The following TTC27 variants were observed in gnomAD, a reference collection of about 807,000 sequenced individuals.
TTC27 encodes the protein tetratricopeptide repeat protein 27.
In TTC27, 79 loss-of-function variants were observed where a neutral mutation model predicts 115.9. That is an observed-to-expected ratio of 0.68 (90% CI 0.57 to 0.82). The LOEUF (loss-of-function observed/expected upper bound fraction) is 0.82, where lower values mean the gene tolerates loss of function less well. Among genes scored for constraint, TTC27 ranks in the 40% least tolerant of loss-of-function variants. The pLI, the probability that TTC27 is intolerant of heterozygous loss-of-function variation, is 0.00. For missense variants in TTC27, 1,054 were observed against 993.1 expected, an observed-to-expected ratio of 1.06 and a Z score of -0.82; for synonymous variants, 401 against 356.0, an observed-to-expected ratio of 1.13 and a Z score of -1.42.
At chr2:32,718,910 C>A (rs1667835807) in intron 10 of TTC27, among the ~76,000 whole-genome samples, 1 of 152,220 alleles carries the variant, frequency 6.6e-6, no homozygotes, top group African/African-American at 2.4e-5. Flanking sequence ...CCTGTTGCTT[C>A]ATTCTTTCAT....
At chr2:32,655,359 C>T (rs1665279921) in intron 5 of TTC27, among the ~76,000 whole-genome samples, 1 of 151,966 alleles carries the variant, frequency 6.6e-6, no homozygotes, top group Non-Finnish European at 1.5e-5. Flanking sequence ...ATTGCTTAGG[C>T]TGGTCTTGAA....
intron 3 of TTC27, 128 bp from the exon 4 acceptor site, chr2:32,640,142 G>A (rs1664585744): frequency 1.2e-6 from 1 of 838,250 alleles, no homozygotes; most frequent in African/African-American, 1.7e-5. Flanking sequence ...AGTGCCAATT[G>A]CTGTGTAATA....
intron 14 of TTC27, among the ~76,000 whole-genome samples, chr2:32,778,995 C>T (rs7578659): frequency 5.3e-5 from 8 of 152,052 alleles, no homozygotes; most frequent in Middle Eastern, 3.4e-3. Context: ...AGGCCAAGGC[C>T]GGTGGATCAC....
chr2:32,715,515 C>T (rs1216889112), intron 10 of TTC27, among the ~76,000 whole-genome samples: 1 of 152,032 alleles, frequency 6.6e-6, no homozygotes, highest in Non-Finnish European at 1.5e-5. Context: ...GTGATTCCTC[C>T]AGCATTAGAA....
At chr2:32,642,788 C>T (rs1162012670) in intron 4 of TTC27, among the ~76,000 whole-genome samples, 1 of 151,988 alleles carries the variant, frequency 6.6e-6, no homozygotes, top group East Asian at 1.9e-4. Context: ...CCACCTCAGC[C>T]TCCCAAGTAA....
intron 9 of TTC27, among the ~76,000 whole-genome samples, chr2:32,701,392 C>G (rs114243340): frequency 0.015 from 2,233 of 152,252 alleles, 45 homozygotes; most frequent in African/African-American, 0.052. Context: ...TAAATGAGCA[C>G]AAGTTTATTT....
intron 16 of TTC27, among the ~76,000 whole-genome samples, chr2:32,792,932 G>A (rs534626290): frequency 9.2e-5 from 14 of 152,346 alleles, no homozygotes; most frequent in African/African-American, 3.4e-4. Flanking sequence ...TCACAGGCCA[G>A]TGTTAGTTTC....
intron 3 of TTC27, among the ~76,000 whole-genome samples, chr2:32,634,383 C>T (rs1388877363): frequency 6.6e-6 from 1 of 151,882 alleles, no homozygotes; most frequent in African/African-American, 2.4e-5. Flanking sequence ...CACCCTCAAC[C>T]TACTCAGGCT....
intron 5 of TTC27, among the ~76,000 whole-genome samples, chr2:32,663,683 T>TG (rs1289095829): frequency 2.6e-4 from 39 of 148,682 alleles, no homozygotes; most frequent in Non-Finnish European, 1.1e-4. Flanking sequence ...TATGTATGTA[T>TG]TTATTTATTT....
chr2:32,720,709 A>G (rs17012133), intron 10 of TTC27, among the ~76,000 whole-genome samples: 20,968 of 152,192 alleles, frequency 0.14, 1,582 homozygotes, highest in African/African-American at 0.2. Flanking sequence ...CTAAGAAGTA[A>G]TAAGAGCCTG....
intron 12 of TTC27, among the ~76,000 whole-genome samples, chr2:32,743,472 C>T (rs1249038471): frequency 6.6e-6 from 1 of 152,280 alleles, no homozygotes; most frequent in Admixed American, 6.5e-5. Context: ...TCCCACAAAT[C>T]TCAAATTTCC....
chr2:32,650,206 A>C lies in TTC27; in HGVS notation c.613A>C (p.Thr205Pro). The part of the protein sequence containing the change: ...LLEERSPLLF[T>P]LAENCIDQVM... ...TGAGGAACGCTCACCTCTGCTTTTT[A>C]CTCTTGCCGAAAACTGTATTGATCA... is the stretch of plus-strand genomic sequence containing the variant. The change falls in exon 5 of 20, where the codon ACT becomes CCT. Residue 205 changes from threonine (T) to proline (P), a missense_variant. Transcript: ENST00000317907. The C allele has an allele frequency of 6.2e-7, 1 of 1,613,608 alleles. No homozygotes were observed.
chr2:32,679,580 C>T (rs1264446001), intron 9 of TTC27, among the ~76,000 whole-genome samples: 1 of 152,140 alleles, frequency 6.6e-6, no homozygotes, highest in East Asian at 1.9e-4. Context: ...TAAGATATAT[C>T]ATTTTTTCAA....
rs1670054898 is a variant in TTC27 at position 32,777,984 on chromosome 2, A to G, written c.1779+4A>G. 1 of 1,613,720 alleles carries G rather than the reference A, an allele frequency of 6.2e-7. No homozygotes were observed. The highest frequency in any genetic ancestry group is 1.3e-5 in the African/African-American group (1 of 74,880). ...CTGTGTGACTCTAGAACCCGATGTAAGTTTGTTTGATCTTCTGTCCTTACG... is the reference window on the plus strand; with the variant it reads ...CTGTGTGACTCTAGAACCCGATGTAGGTTTGTTTGATCTTCTGTCCTTACG... On this transcript the variant is annotated splice_donor_region_variant and intron_variant, in intron 14 of 19. Coordinates refer to ENST00000317907, the MANE Select transcript of TTC27 (RefSeq NM_017735.5).
intron 12 of TTC27, among the ~76,000 whole-genome samples, chr2:32,745,257 G>A (rs932551796): frequency 1.3e-5 from 2 of 152,032 alleles, no homozygotes; most frequent in Admixed American, 6.6e-5. Flanking sequence ...AGTAGACTTC[G>A]CATGAGAGCT....
chr2:32,750,192 G>A (rs72787569), intron 12 of TTC27, among the ~76,000 whole-genome samples: 5,416 of 152,300 alleles, frequency 0.036, 138 homozygotes, highest in Non-Finnish European at 0.055. Context: ...GGGGCTTGTG[G>A]AGGGATCTGT....
chr2:32,745,083 C>G (rs1173213533), intron 12 of TTC27, among the ~76,000 whole-genome samples: 3 of 110,190 alleles, frequency 2.7e-5, no homozygotes, highest in Non-Finnish European at 5.5e-5. Context: ...AAAAAAAAAG[C>G]ACATATATCC....
intron 5 of TTC27, among the ~76,000 whole-genome samples, chr2:32,663,209 G>A (rs1665619267): frequency 6.6e-6 from 1 of 152,150 alleles, no homozygotes; most frequent in East Asian, 1.9e-4. Flanking sequence ...GGTATTCCAG[G>A]AGCCATTGGG....
intron 16 of TTC27, among the ~76,000 whole-genome samples, chr2:32,797,334 C>T (rs1308093021): frequency 1.3e-5 from 2 of 150,912 alleles, no homozygotes; most frequent in East Asian, 3.9e-4. Context: ...AGCATGCCAC[C>T]ACATCTAACA....
Sources: gnomAD v4.1 joint callset for allele counts (sites outside exome capture counted in the v4.1 genomes callset) on GRCh38, gnomAD v4.1.1 for gene constraint, MANE v1.5 for transcripts, NCBI Gene and HGNC (gene_info 2026-07-23, HGNC 2026-07-21) for gene names.